The following CNTNAP4 variants were observed in gnomAD, a reference collection of about 807,000 sequenced individuals.
The protein encoded by CNTNAP4 is contactin-associated protein-like 4.
A neutral mutation model predicts 148.4 loss-of-function variants in CNTNAP4; 98 were observed. The ratio of observed to expected loss-of-function variants is 0.66; its 90% CI spans 0.56 to 0.78. CNTNAP4 has a LOEUF of 0.78. Ranked by LOEUF, CNTNAP4 falls within the 30% of genes least tolerant of loss-of-function variation. The pLI, the probability that CNTNAP4 is intolerant of heterozygous loss-of-function variation, is 0.00. For synonymous variants in CNTNAP4, 730 were observed against 565.1 expected, an observed-to-expected ratio of 1.29 and a Z score of -4.14; for missense variants, 1,935 against 1,565.6, an observed-to-expected ratio of 1.24 and a Z score of -3.98.
At position 76,308,284 on chromosome 16, in the gene CNTNAP4, G is replaced by A. The variant is rs139642245; in HGVS notation, c.86-8129G>A. On this transcript the variant is annotated intron_variant, in intron 1 of 23. Coordinates refer to ENST00000611870, the MANE Select transcript of CNTNAP4 (RefSeq NM_033401.5). Reference sequence around the variant, plus strand: ...AAGAACTGCATAGTAGTCTACACTCGTGGCATTTAATCGAGTTGAAATATC... The same window carrying A: ...AAGAACTGCATAGTAGTCTACACTCATGGCATTTAATCGAGTTGAAATATC... 6.5e-3 allele frequency among the ~76,000 whole-genome samples: 987 copies of A among 152,286 alleles called. 6 individuals are homozygous for A. Among genetic ancestry groups the A allele is most frequent in the Non-Finnish European group, 9.8e-3 (664 of 68,038 alleles).
At position 76,460,773 on chromosome 16, in the gene CNTNAP4, A is replaced by ATAAATAAAT. The variant is rs1555564517; in HGVS notation, c.1334-1183_1334-1182insTAAATAAAT. Among the ~76,000 whole-genome samples the ATAAATAAAT allele has an allele frequency of 2.1e-4, 12 of 57,324 alleles. 1 individual carries two copies. Among genetic ancestry groups the ATAAATAAAT allele is most frequent in the African/African-American group, 7.1e-4 (11 of 15,538 alleles). The allele number at this position is 57,324 out of a possible 152,430, so 37.6% of individuals were successfully genotyped here. Reference sequence around the variant, plus strand: ...TGTCTCAAAAAAAAAAAAAAAAAAAAATATATATATATATATATATATTTA... The same window carrying ATAAATAAAT: ...TGTCTCAAAAAAAAAAAAAAAAAAAATAAATAAATATATATATATATATATATATATTTA... On this transcript the variant is annotated intron_variant, in intron 8 of 23. Coordinates refer to ENST00000611870, the MANE Select transcript of CNTNAP4 (RefSeq NM_033401.5).
chr16:76,528,241 C>T (rs77868529), intron 17 of CNTNAP4, among the ~76,000 whole-genome samples: 2,837 of 152,064 alleles, frequency 0.019, 86 homozygotes, highest in African/African-American at 0.065. Context: ...TATTTATTAG[C>T]ATTAAGTTTT....
intron 12 of CNTNAP4, among the ~76,000 whole-genome samples, chr16:76,483,466 C>T (rs906641875): frequency 6.6e-6 from 1 of 152,118 alleles, no homozygotes; most frequent in Non-Finnish European, 1.5e-5. Context: ...GTTAAAGACA[C>T]CTTATTTAAT....
chr16:76,475,923 C>T lies in CNTNAP4; in HGVS notation c.1656-16C>T, dbSNP rs750818742. On this transcript the variant is annotated splice_polypyrimidine_tract_variant and intron_variant, in intron 10 of 23. Coordinates refer to ENST00000611870, the MANE Select transcript of CNTNAP4 (RefSeq NM_033401.5). ...TAAAAATGGAAACTGGTGATTGTAT[C>T]TGCACCTTCTTTTAGGTGTTTGCCC... 9 of 1,584,512 alleles carry T rather than the reference C, an allele frequency of 5.7e-6. No individual in the cohort carries two copies. Among genetic ancestry groups the T allele is most frequent in the Non-Finnish European group, 6.1e-6 (7 of 1,153,292 alleles).
intron 21 of CNTNAP4, among the ~76,000 whole-genome samples, chr16:76,542,215 A>G (rs1314918673): frequency 6.6e-6 from 1 of 152,186 alleles, no homozygotes; most frequent in Non-Finnish European, 1.5e-5. Flanking sequence ...TTTCATATTT[A>G]GTATTGGGAA....
chr16:76,326,002 A>C (rs1962933464), intron 2 of CNTNAP4, among the ~76,000 whole-genome samples: 1 of 152,210 alleles, frequency 6.6e-6, no homozygotes, highest in Non-Finnish European at 1.5e-5. Flanking sequence ...AAAGAAAACT[A>C]CAAGTTAATA....
chr16:76,327,190 C>T (rs2144207011), intron 2 of CNTNAP4, among the ~76,000 whole-genome samples: 1 of 152,282 alleles, frequency 6.6e-6, no homozygotes, highest in African/African-American at 2.4e-5. Flanking sequence ...TAGGTTTCAA[C>T]CCCTGCCCCA....
At chr16:76,504,582 A>G (rs994127602) in intron 15 of CNTNAP4, among the ~76,000 whole-genome samples, 1 of 152,132 alleles carries the variant, frequency 6.6e-6, no homozygotes, top group East Asian at 1.9e-4. Flanking sequence ...ATACAACACT[A>G]AAAGTACAAT....
chr16:76,438,123 G>A (rs2079900380), intron 4 of CNTNAP4, among the ~76,000 whole-genome samples: 1 of 152,050 alleles, frequency 6.6e-6, no homozygotes. Context: ...ACTAGGAAGT[G>A]GGGACAGAGG....
intron 4 of CNTNAP4, among the ~76,000 whole-genome samples, chr16:76,438,473 A>G (rs2079916054): frequency 6.6e-6 from 1 of 152,134 alleles, no homozygotes; most frequent in Non-Finnish European, 1.5e-5. Flanking sequence ...TAAAAAGGGA[A>G]GAAAGAAATC....
intron 23 of CNTNAP4, among the ~76,000 whole-genome samples, chr16:76,556,521 G>T (rs558795163): frequency 1.3e-5 from 2 of 151,996 alleles, no homozygotes; most frequent in South Asian, 2.1e-4. Flanking sequence ...ATTCTGTCTC[G>T]GCCAATGTAA....
chr16:76,436,640 T>G (rs11149900), intron 4 of CNTNAP4, among the ~76,000 whole-genome samples: 2 of 151,890 alleles, frequency 1.3e-5, no homozygotes, highest in South Asian at 2.1e-4. Context: ...ACCAGCTTCA[T>G]TATGTTCCTT....
At chr16:76,507,176 A>C (rs555513940) in intron 15 of CNTNAP4, among the ~76,000 whole-genome samples, 1 of 71,794 alleles carries the variant, frequency 1.4e-5, no homozygotes, top group African/African-American at 5.6e-5. Context: ...CACATCATGG[A>C]AAATTGGGTA....
intron 2 of CNTNAP4, among the ~76,000 whole-genome samples, chr16:76,347,573 C>T (rs146168752): frequency 1.9e-4 from 29 of 152,164 alleles, no homozygotes; most frequent in African/African-American, 5.3e-4. Flanking sequence ...AGTAGGACTG[C>T]GGAGCAGAAG....
intron 1 of CNTNAP4, among the ~76,000 whole-genome samples, chr16:76,278,358 C>T (rs1958561020): frequency 6.6e-6 from 1 of 152,314 alleles, no homozygotes; most frequent in African/African-American, 2.4e-5. Flanking sequence ...CCTCTTCCTA[C>T]ATTTCGCTTA....
chr16:76,546,587 C>A (rs2084744804), intron 21 of CNTNAP4, among the ~76,000 whole-genome samples: 1 of 152,190 alleles, frequency 6.6e-6, no homozygotes, highest in Non-Finnish European at 1.5e-5. Flanking sequence ...ACTGATTCTA[C>A]ATTATGGCCA....
At chr16:76,388,770 G>A (rs960580177) in intron 3 of CNTNAP4, among the ~76,000 whole-genome samples, 1 of 152,066 alleles carries the variant, frequency 6.6e-6, no homozygotes, top group East Asian at 1.9e-4. Context: ...GTTATTTATT[G>A]ATATTTTACA....
At chr16:76,382,192 A>G (rs1301755963) in intron 3 of CNTNAP4, among the ~76,000 whole-genome samples, 1 of 152,074 alleles carries the variant, frequency 6.6e-6, no homozygotes, top group Non-Finnish European at 1.5e-5. Context: ...CTGTAGAGTA[A>G]TATACACAAT....
intron 3 of CNTNAP4, among the ~76,000 whole-genome samples, chr16:76,381,772 A>G (rs2015989544): frequency 6.6e-6 from 1 of 152,144 alleles, no homozygotes; most frequent in African/African-American, 2.4e-5. Context: ...TTTAAAAGAA[A>G]GTTACCTGCC....
Sources: gnomAD v4.1 joint callset for allele counts (sites outside exome capture counted in the v4.1 genomes callset) on GRCh38, gnomAD v4.1.1 for gene constraint, MANE v1.5 for transcripts, NCBI Gene and HGNC (gene_info 2026-07-23, HGNC 2026-07-21) for gene names.